Variants in TYW1 observed in about 807,000 individuals in gnomAD.
TYW1 encodes tRNA-yW synthesizing protein 1 homolog.
TYW1 carries 46 observed loss-of-function variants against 96.2 expected under a neutral mutation model. The observed-to-expected ratio is 0.48, with a 90% CI of 0.38 to 0.61. The LOEUF is 0.61. Ranked by LOEUF, TYW1 falls within the 20% of genes least tolerant of loss-of-function variation. The pLI is 0.00. For missense variants in TYW1, 684 were observed against 909.6 expected (o/e 0.75, Z 3.19); for synonymous variants, 274 against 323.0 (o/e 0.85, Z 1.63).
At position 67,179,277 on chromosome 7, in the gene TYW1, G is replaced by A. The variant is rs1433652944; in HGVS notation, c.1699-3849G>A. 1.1e-4 allele frequency among the ~76,000 whole-genome samples: 15 copies of A among 135,708 alleles called. 2 individuals carry two copies. The highest frequency in any genetic ancestry group is 3.0e-5 in the African/African-American group (1 of 33,250). The allele number at this position is 135,708 out of a possible 152,430, so 89.0% of individuals were successfully genotyped here. A position where few individuals can be genotyped will look rare whatever the true frequency, so the allele number is the denominator to read the frequency against. ...GTAAACTGTCATGGCCCTGGTGGGA[G>A]TGTCTTATGCTAATGAATAAGAAGG... On this transcript the variant is annotated intron_variant, in intron 13 of 15. Transcript: ENST00000359626.
At chr7:67,100,484 GA>G (rs35003364) in intron 12 of TYW1, among the ~76,000 whole-genome samples, 6,537 of 142,892 alleles carry the variant, frequency 0.046, 176 homozygotes, top group Middle Eastern at 0.1. Context: ...GGGGAAATAG[GA>G]AAAAAAAAAA....
At chr7:67,149,839 A>G (rs1343746347) in intron 13 of TYW1, among the ~76,000 whole-genome samples, 3 of 151,778 alleles carry the variant, frequency 2.0e-5, no homozygotes, top group Non-Finnish European at 4.4e-5. Context: ...CGTGAACCAC[A>G]TCATGAGATG....
intron 11 of TYW1, among the ~76,000 whole-genome samples, chr7:67,095,508 A>AG (rs59623039): frequency 6.6e-6 from 1 of 151,402 alleles, no homozygotes; most frequent in African/African-American, 2.4e-5. Flanking sequence ...AAAAAAAAAA[A>AG]TTAGACAGAC....
chr7:67,055,932 T>C lies in TYW1; in HGVS notation c.1155+45T>C, dbSNP rs774612518. 3.5e-6 allele frequency: 5 copies of C among 1,416,286 alleles called. No homozygotes were observed. The South Asian group carries it at 5.9e-5, about 17-fold the overall frequency. 87.7% of individuals were successfully genotyped at this position (1,416,286 alleles called of 1,614,324 possible). On this transcript the variant is annotated intron_variant, in intron 9 of 15. Transcript: ENST00000359626. The stretch of plus-strand genomic sequence containing the variant: ...TCAATATGTCTATTACATGCAACTT[T>C]TAAATAGCTATTATTATACACTGTC...
In TYW1 at chr7:67,086,354, A is replaced by C. The variant is rs1796547614; in HGVS notation, c.1384+2815A>C. On this transcript the variant is annotated intron_variant, in intron 11 of 15. Coordinates refer to ENST00000359626, the MANE Select transcript of TYW1 (RefSeq NM_018264.4). ...AAGTAAGCTATGTGTCTTTTTAATA[A>C]ATTTCAAGGCAAAGTCTTATTTTCC... Among the ~76,000 whole-genome samples, 3 of 152,184 alleles carry C rather than the reference A, an allele frequency of 2.0e-5. No individual in the cohort carries two copies. In the South Asian group the frequency reaches 6.2e-4, roughly 32 times the overall value.
At chr7:67,082,114 G>C (rs1262301044) in intron 10 of TYW1, among the ~76,000 whole-genome samples, 1 of 151,380 alleles carries the variant, frequency 6.6e-6, no homozygotes, top group Non-Finnish European at 1.5e-5. Flanking sequence ...TACAGGCCTC[G>C]ATTTTCCTTT....
At chr7:67,055,585 C>G (rs535227840) in intron 8 of TYW1, among the ~76,000 whole-genome samples, 2 of 140,288 alleles carry the variant, frequency 1.4e-5, no homozygotes. Flanking sequence ...GGTGACAGAG[C>G]GGGACTGTCT....
chr7:67,068,521 CCTT>C (rs1031586370), intron 10 of TYW1, among the ~76,000 whole-genome samples: 3 of 152,186 alleles, frequency 2.0e-5, no homozygotes, highest in Admixed American at 2.0e-4. Context: ...GGAGGCCACT[CCTT>C]CTGTTGGATT....
intron 12 of TYW1, among the ~76,000 whole-genome samples, chr7:67,102,540 AG>A (rs1476922009): frequency 6.6e-5 from 10 of 152,240 alleles, no homozygotes; most frequent in Non-Finnish European, 1.5e-4. Flanking sequence ...GCTAATAGGA[AG>A]ATTAGCAAAT....
intron 15 of TYW1, among the ~76,000 whole-genome samples, chr7:67,199,492 A>T (rs531571236): frequency 1.3e-5 from 2 of 152,168 alleles, no homozygotes; most frequent in Non-Finnish European, 2.9e-5. Flanking sequence ...AAATTTCCCC[A>T]TTGACTTAGC....
rs575738195 is a variant in TYW1, at chr7:67,072,974, G to A, written c.1274+5571G>A. 1.2e-4 allele frequency among the ~76,000 whole-genome samples: 15 copies of A among 121,412 alleles called. 1 individual carries two copies. Among genetic ancestry groups the A allele is most frequent in the African/African-American group, 5.1e-4 (14 of 27,484 alleles). 79.7% of individuals were successfully genotyped at this position (121,412 alleles called of 152,430 possible). A position where few individuals can be genotyped will look rare whatever the true frequency, so the allele number is the denominator to read the frequency against. ...TTTTTTTTTTTTTTTTATAGAGACA[G>A]GGTCTTGCTATGTTTCTCAAGCTGG... On this transcript the variant is annotated intron_variant, in intron 10 of 15. Coordinates refer to ENST00000359626, the MANE Select transcript of TYW1 (RefSeq NM_018264.4).
At chr7:67,036,896 G>T (rs1335726959) in intron 7 of TYW1, among the ~76,000 whole-genome samples, 2 of 152,234 alleles carry the variant, frequency 1.3e-5, no homozygotes, top group Non-Finnish European at 2.9e-5. Flanking sequence ...AGAGACTACA[G>T]AGGGATCAAG....
At chr7:67,181,515 G>A (rs1312572237) in intron 13 of TYW1, among the ~76,000 whole-genome samples, 1 of 152,070 alleles carries the variant, frequency 6.6e-6, no homozygotes, top group Non-Finnish European at 1.5e-5. Flanking sequence ...CTTCAATGAA[G>A]GTCTCAAGTG....
chr7:67,169,626 C>G (rs1422695370), intron 13 of TYW1, among the ~76,000 whole-genome samples: 1 of 152,206 alleles, frequency 6.6e-6, no homozygotes, highest in Non-Finnish European at 1.5e-5. Flanking sequence ...GTCTCGAACT[C>G]CTGACCTTGT....
Position 67,223,744 on chromosome 7 carries a change from CAT to C in TYW1, c.1978-14563_1978-14562del, listed in dbSNP as rs201585381. Among the ~76,000 whole-genome samples, 554 of 151,914 alleles carry C rather than the reference CAT, an allele frequency of 3.6e-3. 2 individuals are homozygous for C. The highest frequency in any genetic ancestry group is 0.014 in the Middle Eastern group (4 of 294). ...AGCTGCATGCAAGCTGCTCCCATAACATGTACACAGCTGCCTGCCATGGGGCT... is the reference window on the plus strand; with the variant it reads ...AGCTGCATGCAAGCTGCTCCCATAACGTACACAGCTGCCTGCCATGGGGCT... On this transcript the variant is annotated intron_variant, in intron 15 of 15. Coordinates refer to ENST00000359626, the MANE Select transcript of TYW1 (RefSeq NM_018264.4).
chr7:67,097,997 G>C (rs1479500722), intron 11 of TYW1, among the ~76,000 whole-genome samples: 3 of 152,238 alleles, frequency 2.0e-5, no homozygotes, highest in East Asian at 3.9e-4. Context: ...TACTGCGCCT[G>C]GCCTGTAGAA....
At chr7:67,160,565 T>TATAC (rs960345941) in intron 13 of TYW1, among the ~76,000 whole-genome samples, 36 of 139,458 alleles carry the variant, frequency 2.6e-4, no homozygotes, top group Non-Finnish European at 4.8e-4. Context: ...TACATATACA[T>TATAC]ATACACACAT....
At chr7:67,080,755 G>A (rs1192015110) in intron 10 of TYW1, among the ~76,000 whole-genome samples, 1 of 151,948 alleles carries the variant, frequency 6.6e-6, no homozygotes, top group African/African-American at 2.4e-5. Context: ...CTTTCAGTCT[G>A]TGTATATCTT....
chr7:67,127,294 G>A (rs1044907599), intron 13 of TYW1, among the ~76,000 whole-genome samples: 1 of 151,830 alleles, frequency 6.6e-6, no homozygotes, highest in Non-Finnish European at 1.5e-5. Context: ...AAGTAGCAGG[G>A]ATTACAGGCG....
Sources: gnomAD v4.1 joint callset for allele counts (sites outside exome capture counted in the v4.1 genomes callset) on GRCh38, gnomAD v4.1.1 for gene constraint, MANE v1.5 for transcripts, NCBI Gene and HGNC (gene_info 2026-07-23, HGNC 2026-07-21) for gene names.